Variants in STARD9 observed in about 807,000 individuals in gnomAD.
The protein encoded by STARD9 is StAR related lipid transfer domain containing 9, also known as stAR-related lipid transfer protein 9.
A neutral mutation model predicts 399.8 loss-of-function variants in STARD9; 346 were observed. That is an observed-to-expected ratio of 0.87 (90% CI 0.79 to 0.95). The LOEUF is 0.95. STARD9 is among the 40% of genes least tolerant of loss of function. The pLI, the probability that STARD9 is intolerant of heterozygous loss-of-function variation, is 0.00. For missense variants in STARD9, 5,832 were observed against 5,667.5 expected, an observed-to-expected ratio of 1.03 and a Z score of -0.93; for synonymous variants, 2,203 against 2,143.5, an observed-to-expected ratio of 1.03 and a Z score of -0.77.
At position 42,684,956 on chromosome 15, in the gene STARD9, AGAG is replaced by A. The variant is rs747596259; in HGVS notation, c.3382_3384del (p.Glu1128del). The A allele has an allele frequency of 1.7e-5, 26 of 1,537,062 alleles. No homozygotes were observed. In the South Asian group the frequency reaches 2.7e-4, roughly 16 times the overall value. ...AAGCCCTGATAGAGCCACTGAAGCC[AGAG>A]GAGAGGAAATGGGATTTCCCAGAGC... On this transcript the variant is annotated inframe_deletion, in exon 23 of 33. Coordinates refer to ENST00000290607, the MANE Select transcript of STARD9 (RefSeq NM_020759.3).
chr15:42,647,588 CT>C lies in STARD9; in HGVS notation c.560-3424del, dbSNP rs2059670013. 2.6e-5 allele frequency among the ~76,000 whole-genome samples: 4 copies of C among 152,108 alleles called. No individual in the cohort carries two copies. The South Asian group carries it at 6.2e-4, about 24-fold the overall frequency. ...GTGTTATTGTTTGTATTTTTATCTT[CT>C]TTTCTACTTTTACTTTCAGTTTTCT... On this transcript the variant is annotated intron_variant, in intron 7 of 32. Coordinates refer to ENST00000290607, the MANE Select transcript of STARD9 (RefSeq NM_020759.3).
chr15:42,710,895 C>T (rs2061202305), intron 26 of STARD9, among the ~76,000 whole-genome samples: 1 of 120,584 alleles, frequency 8.3e-6, no homozygotes, highest in Non-Finnish European at 1.5e-5. Flanking sequence ...TGTGCGCTCT[C>T]TCTCTCTCTC....
chr15:42,656,592 A>G (rs1472757185), intron 9 of STARD9, among the ~76,000 whole-genome samples: 2 of 152,168 alleles, frequency 1.3e-5, no homozygotes, highest in African/African-American at 2.4e-5. Context: ...ATGTCCGTCA[A>G]TGAGTGGTTA....
Position 42,694,864 on chromosome 15 carries a change from G to A in STARD9, c.12962+139G>A, listed in dbSNP as rs2060806296. The A allele has an allele frequency of 8.0e-6, 5 of 626,688 alleles. No individual in the cohort carries two copies. The South Asian group carries it at 8.3e-5, about 10-fold the overall frequency. 38.8% of individuals were successfully genotyped at this position (626,688 alleles called of 1,614,324 possible). A position where few individuals can be genotyped will look rare whatever the true frequency, so the allele number is the denominator to read the frequency against. ...ATGGAAAGAGGACATAGAAGGGAAT[G>A]GAATGAGGGAGGGGGTGGGCAGAGA... On this transcript the variant is annotated intron_variant, in intron 24 of 32. Coordinates refer to ENST00000290607, the MANE Select transcript of STARD9 (RefSeq NM_020759.3).
intron 9 of STARD9, among the ~76,000 whole-genome samples, chr15:42,653,339 A>G (rs2141998194): frequency 6.6e-6 from 1 of 152,336 alleles, no homozygotes; most frequent in East Asian, 1.9e-4. Context: ...GATTAAAGGA[A>G]TGTAACAAAG....
intron 1 of STARD9, among the ~76,000 whole-genome samples, chr15:42,576,032 C>T (rs1249971991): frequency 1.3e-5 from 2 of 152,134 alleles, no homozygotes; most frequent in Non-Finnish European, 2.9e-5. Context: ...TTTCGAGGGA[C>T]GGCGGCTCGA....
At chr15:42,639,820 C>T (rs957262065) in intron 7 of STARD9, among the ~76,000 whole-genome samples, 16 of 150,834 alleles carry the variant, frequency 1.1e-4, no homozygotes, top group South Asian at 2.1e-4. Flanking sequence ...GTCGAGATTG[C>T]GCAACTGCAC....
intron 1 of STARD9, among the ~76,000 whole-genome samples, chr15:42,579,239 C>T (rs962067351): frequency 6.6e-6 from 1 of 152,140 alleles, no homozygotes; most frequent in African/African-American, 2.4e-5. Flanking sequence ...GGTCGTTTTA[C>T]AAACCAACCA....
chr15:42,633,646 CTTT>C (rs1245567571), intron 3 of STARD9, among the ~76,000 whole-genome samples: 2 of 138,752 alleles, frequency 1.4e-5, no homozygotes, highest in Admixed American at 7.3e-5. Context: ...TTCTTTCTTT[CTTT>C]TTTTTTTTTT....
At position 42,687,272 on chromosome 15, in the gene STARD9, C is replaced by T. The variant is rs1201180290; in HGVS notation, c.5694C>T (p.Ser1898=). The T allele has an allele frequency of 5.9e-6, 9 of 1,536,898 alleles. No homozygotes were observed. The South Asian group carries it at 9.5e-5, about 16-fold the overall frequency. The change falls in exon 23 of 33, where the codon TCC becomes TCT. Residue 1898 remains serine, a synonymous_variant. Transcript: ENST00000290607. The part of the protein sequence containing the change: ...EVTAQSCCGA[S]SDSTESGKSL... ...CTGCTCAGTCCTGTTGCGGTGCTTC[C>T]TCAGACAGCACTGAGTCTGGGAAGT... is the stretch of plus-strand genomic sequence containing the variant.
chr15:42,627,552 C>G (rs1388057696), intron 3 of STARD9, among the ~76,000 whole-genome samples: 1 of 152,098 alleles, frequency 6.6e-6, no homozygotes, highest in African/African-American at 2.4e-5. Flanking sequence ...CTCATTTTGT[C>G]TAACTTTTTT....
chr15:42,677,141 G>A (rs1273623906), intron 20 of STARD9, among the ~76,000 whole-genome samples: 1 of 144,670 alleles, frequency 6.9e-6, no homozygotes, highest in Non-Finnish European at 1.5e-5. Flanking sequence ...GCACATGCCT[G>A]TAGTCCTAGC....
intron 9 of STARD9, among the ~76,000 whole-genome samples, chr15:42,658,575 C>T (rs2059926324): frequency 2.0e-5 from 3 of 151,492 alleles, no homozygotes; most frequent in Admixed American, 1.3e-4. Flanking sequence ...CTCCACCTCC[C>T]GGGTTCAAGT....
At chr15:42,598,956 C>G (rs891657702) in intron 3 of STARD9, among the ~76,000 whole-genome samples, 5 of 152,106 alleles carry the variant, frequency 3.3e-5, no homozygotes, top group Non-Finnish European at 5.9e-5. Flanking sequence ...CCGAGTCTCA[C>G]TGTGTCATCC....
chr15:42,615,881 G>A (rs1477015902), intron 3 of STARD9, among the ~76,000 whole-genome samples: 1 of 152,102 alleles, frequency 6.6e-6, no homozygotes, highest in African/African-American at 2.4e-5. Flanking sequence ...GTGATAAAAA[G>A]CAGGTTGATG....
chr15:42,675,836 G>A (rs1398500609), intron 19 of STARD9, 36 bp from the exon 20 acceptor site: 2 of 1,534,970 alleles, frequency 1.3e-6, no homozygotes, highest in Non-Finnish European at 1.7e-6. Flanking sequence ...TGGAGGCGAT[G>A]ACAGCAGCCT....
At chr15:42,615,976 A>G (rs1488573826) in intron 3 of STARD9, among the ~76,000 whole-genome samples, 1 of 152,224 alleles carries the variant, frequency 6.6e-6, no homozygotes, top group African/African-American at 2.4e-5. Flanking sequence ...GGAAGGAAAC[A>G]CATCAGGCCA....
chr15:42,581,564 G>A lies in STARD9; in HGVS notation c.48-1782G>A, dbSNP rs138510396. 5.5e-5 allele frequency: 57 copies of A among 1,037,650 alleles called. No homozygotes were observed. The African/African-American group carries it at 7.7e-4, about 14-fold the overall frequency. The allele number at this position is 1,037,650 out of a possible 1,614,324, so 64.3% of individuals were successfully genotyped here. A position where few individuals can be genotyped will look rare whatever the true frequency, so the allele number is the denominator to read the frequency against. On this transcript the variant is annotated intron_variant, in intron 1 of 32. Transcript: ENST00000290607. ...GGGCCGGTCTGCTCCAGCTCCTAGGGCGGGTGGAAAAGCGAGCTCTGCGCA... is the reference window on the plus strand; with the variant it reads ...GGGCCGGTCTGCTCCAGCTCCTAGGACGGGTGGAAAAGCGAGCTCTGCGCA...
Position 42,595,221 on chromosome 15 carries a change from T to C in STARD9, c.234+9584T>C, listed in dbSNP as rs556177359. Among the ~76,000 whole-genome samples the C allele has an allele frequency of 3.3e-5, 5 of 152,044 alleles. No individual in the cohort carries two copies. The South Asian group carries it at 6.2e-4, about 19-fold the overall frequency. On this transcript the variant is annotated intron_variant, in intron 3 of 32. Coordinates refer to ENST00000290607, the MANE Select transcript of STARD9 (RefSeq NM_020759.3). ...CTAAGGTGAGGAGGAATTTGAGAGCTCACAGAGGGGTGGGCACTGTTAGGA... is the reference window on the plus strand; with the variant it reads ...CTAAGGTGAGGAGGAATTTGAGAGCCCACAGAGGGGTGGGCACTGTTAGGA...
Sources: gnomAD v4.1 joint callset for allele counts (sites outside exome capture counted in the v4.1 genomes callset) on GRCh38, gnomAD v4.1.1 for gene constraint, MANE v1.5 for transcripts, NCBI Gene and HGNC (gene_info 2026-07-23, HGNC 2026-07-21) for gene names.